CSMD3: variants seen among roughly 807,000 people sequenced by gnomAD.
CSMD3 encodes the protein CUB and Sushi multiple domains 3, also known as CUB and sushi domain-containing protein 3.
CSMD3 carries 177 observed loss-of-function variants against 435.2 expected under a neutral mutation model. The ratio of observed to expected loss-of-function variants is 0.41; its 90% CI spans 0.36 to 0.46. The LOEUF is 0.46. Among genes scored for constraint, CSMD3 ranks in the 20% least tolerant of loss-of-function variants. CSMD3 has a pLI of 0.34. For synonymous variants in CSMD3, 1,656 were observed against 1,520.5 expected (o/e 1.09, Z -2.07); for missense variants, 4,265 against 4,504.6 (o/e 0.95, Z 1.52).
chr8:113,325,470 C>T (rs1035074500), intron 1 of CSMD3, among the ~76,000 whole-genome samples: 2 of 152,124 alleles, frequency 1.3e-5, no homozygotes, highest in Admixed American at 1.3e-4. Flanking sequence ...ACTTTCTCCT[C>T]CTTGCCTTCC....
chr8:112,680,475 G>A (rs2131773725), intron 16 of CSMD3, among the ~76,000 whole-genome samples: 1 of 152,282 alleles, frequency 6.6e-6, no homozygotes, highest in East Asian at 1.9e-4. Context: ...AAAAAGAATG[G>A]TGGAAAAACT....
chr8:113,314,471 T>C (rs2093894397), intron 2 of CSMD3, 100 bp downstream of exon 2: 1 of 747,972 alleles, frequency 1.3e-6, no homozygotes, highest in Non-Finnish European at 2.4e-6. Context: ...AATACAACTT[T>C]ATTATAATTG....
At chr8:113,184,348 A>G (rs894574818) in intron 3 of CSMD3, among the ~76,000 whole-genome samples, 3 of 152,048 alleles carry the variant, frequency 2.0e-5, no homozygotes, top group Admixed American at 6.6e-5. Flanking sequence ...TTGGTAATCA[A>G]CTTAACCTTT....
chr8:113,319,540 T>C (rs556588425), intron 1 of CSMD3, among the ~76,000 whole-genome samples: 1 of 152,184 alleles, frequency 6.6e-6, no homozygotes, highest in Non-Finnish European at 1.5e-5. Context: ...TTTCCTTTAT[T>C]GTTCCTAAGG....
chr8:112,559,276 T>C (rs1796897019), intron 24 of CSMD3, among the ~76,000 whole-genome samples: 1 of 151,918 alleles, frequency 6.6e-6, no homozygotes, highest in African/African-American at 2.4e-5. Flanking sequence ...GTTTGAGATA[T>C]GGGAGATTAA....
rs867942397 is a variant in CSMD3, at chr8:112,645,645, T to C, written c.3194-420A>G. ...CTTTATAGGATTCCTTTCAAAACTA[T>C]GAAGTGAGTTGTAAAAGTTTTTAAG... On this transcript the variant is annotated intron_variant, in intron 19 of 70. Coordinates refer to ENST00000297405, the MANE Select transcript of CSMD3 (RefSeq NM_198123.2). Among the ~76,000 whole-genome samples, 4 of 152,332 alleles carry C rather than the reference T, an allele frequency of 2.6e-5. No individual in the cohort carries two copies. The South Asian group carries it at 8.3e-4, about 32-fold the overall frequency.
chr8:113,234,508 A>T (rs969252277), intron 3 of CSMD3, among the ~76,000 whole-genome samples: 7 of 152,270 alleles, frequency 4.6e-5, no homozygotes, highest in African/African-American at 7.2e-5. Context: ...GCTAGGCTGG[A>T]AACATTAATT....
At chr8:113,210,228 G>C (rs946319299) in intron 3 of CSMD3, among the ~76,000 whole-genome samples, 5 of 151,896 alleles carry the variant, frequency 3.3e-5, no homozygotes, top group Admixed American at 3.3e-4. Context: ...TCCTAAACTA[G>C]AAATTTCAGC....
chr8:113,167,022 T>A (rs535817802), intron 4 of CSMD3, among the ~76,000 whole-genome samples: 1 of 152,194 alleles, frequency 6.6e-6, no homozygotes, highest in African/African-American at 2.4e-5. Context: ...TCTAAAAAAT[T>A]AAATATATAG....
rs1588385200 is a variant in CSMD3, at chr8:113,256,374, A to G, written c.514+22218T>C. Reference sequence around the variant, plus strand: ...TTTAAGTACAAAGAAATACATGCTCAGCACCGACACCATTCCTTATTCCCC... The same window carrying G: ...TTTAAGTACAAAGAAATACATGCTCGGCACCGACACCATTCCTTATTCCCC... On this transcript the variant is annotated intron_variant, in intron 3 of 70. Transcript: ENST00000297405. Among the ~76,000 whole-genome samples the G allele has an allele frequency of 2.0e-5, 3 of 152,338 alleles. No individual in the cohort carries two copies. The East Asian group carries it at 5.8e-4, about 29-fold the overall frequency.
chr8:112,594,237 G>C (rs1193772612), intron 22 of CSMD3, among the ~76,000 whole-genome samples: 1 of 152,150 alleles, frequency 6.6e-6, no homozygotes, highest in African/African-American at 2.4e-5. Flanking sequence ...TTCCCTTTCC[G>C]AGTCAAAGAA....
At chr8:113,137,763 C>T (rs909406883) in intron 4 of CSMD3, among the ~76,000 whole-genome samples, 1 of 151,502 alleles carries the variant, frequency 6.6e-6, no homozygotes, top group African/African-American at 2.4e-5. Flanking sequence ...AATTACCTCT[C>T]AAAGACCACA....
At chr8:112,873,614 G>T (rs1406175376) in intron 10 of CSMD3, among the ~76,000 whole-genome samples, 1 of 151,814 alleles carries the variant, frequency 6.6e-6, no homozygotes, top group East Asian at 1.9e-4. Context: ...TCTACCAAAT[G>T]CTCAACAAAT....
intron 3 of CSMD3, among the ~76,000 whole-genome samples, chr8:113,257,036 C>A (rs1382231604): frequency 6.6e-6 from 1 of 152,074 alleles, no homozygotes; most frequent in East Asian, 1.9e-4. Context: ...CAGAATGAGA[C>A]CTTAGTTTCA....
chr8:113,410,113 C>T (rs2094551383), intron 1 of CSMD3, among the ~76,000 whole-genome samples: 1 of 152,138 alleles, frequency 6.6e-6, no homozygotes, highest in Non-Finnish European at 1.5e-5. Flanking sequence ...ATCTCTCACA[C>T]AAACAGATAT....
intron 10 of CSMD3, among the ~76,000 whole-genome samples, chr8:112,863,143 C>A (rs886519052): frequency 6.6e-6 from 1 of 151,944 alleles, no homozygotes; most frequent in African/African-American, 2.4e-5. Flanking sequence ...TTCTTACAGA[C>A]TTTTGTTGTT....
At chr8:112,670,745 T>C (rs1344869854) in intron 16 of CSMD3, among the ~76,000 whole-genome samples, 1 of 152,046 alleles carries the variant, frequency 6.6e-6, no homozygotes, top group African/African-American at 2.4e-5. Flanking sequence ...ATGTGGAAAG[T>C]TAATGAGATT....
chr8:113,402,582 C>A (rs919541352), intron 1 of CSMD3, among the ~76,000 whole-genome samples: 29 of 151,228 alleles, frequency 1.9e-4, no homozygotes, highest in African/African-American at 6.8e-4. Flanking sequence ...CAAGTGTAAA[C>A]TTCTGGCCTA....
intron 22 of CSMD3, among the ~76,000 whole-genome samples, chr8:112,618,999 G>T (rs1586819509): frequency 6.6e-6 from 1 of 152,046 alleles, no homozygotes; most frequent in East Asian, 1.9e-4. Flanking sequence ...TAAACTACCT[G>T]TGCCTCGGCT....
Sources: gnomAD v4.1 joint callset for allele counts (sites outside exome capture counted in the v4.1 genomes callset) on GRCh38, gnomAD v4.1.1 for gene constraint, MANE v1.5 for transcripts, NCBI Gene and HGNC (gene_info 2026-07-23, HGNC 2026-07-21) for gene names.